Variants in NR3C2 observed in about 807,000 individuals in gnomAD.
The protein encoded by NR3C2 is mineralocorticoid receptor.
A neutral mutation model predicts 86.4 loss-of-function variants in NR3C2; 15 were observed. The observed-to-expected ratio is 0.17, with a 90% CI of 0.12 to 0.27. NR3C2 has a LOEUF of 0.27. Among genes scored for constraint, NR3C2 ranks in the 10% least tolerant of loss-of-function variants. NR3C2 has a pLI of 1.00. For synonymous variants in NR3C2, 458 were observed against 450.5 expected (o/e 1.02, Z -0.21); for missense variants, 960 against 1,195.6 (o/e 0.80, Z 2.91).
In NR3C2 at chr4:148,393,986, C is replaced by T. The variant is rs989516941; in HGVS notation, c.1757+41118G>A. Among the ~76,000 whole-genome samples, 3 of 152,140 alleles carry T rather than the reference C, an allele frequency of 2.0e-5. No homozygotes were observed. In the East Asian group the frequency reaches 5.8e-4, roughly 29 times the overall value. On this transcript the variant is annotated intron_variant, in intron 2 of 8. Transcript: ENST00000358102. Reference sequence around the variant, plus strand: ...AGGCAGAAGTGACACTGTGTGTGTCCAGAGACTGGGCCTCAAAGGGCATTG... The same window carrying T: ...AGGCAGAAGTGACACTGTGTGTGTCTAGAGACTGGGCCTCAAAGGGCATTG...
chr4:148,156,632 A>G (rs879471415), intron 4 of NR3C2, among the ~76,000 whole-genome samples: 285 of 152,240 alleles, frequency 1.9e-3, no homozygotes, highest in Non-Finnish European at 2.7e-3. Context: ...TTAGAATGGC[A>G]ATCATTAAAA....
At chr4:148,106,940 A>G (rs1236809771) in intron 8 of NR3C2, among the ~76,000 whole-genome samples, 2 of 152,254 alleles carry the variant, frequency 1.3e-5, no homozygotes, top group Non-Finnish European at 2.9e-5. Flanking sequence ...CTTGCAGGAC[A>G]TAGGCATGGG....
intron 3 of NR3C2, among the ~76,000 whole-genome samples, chr4:148,229,358 C>A (rs1478976083): frequency 6.6e-6 from 1 of 152,122 alleles, no homozygotes; most frequent in Non-Finnish European, 1.5e-5. Context: ...TTCTTTTTAC[C>A]TAATAAATCT....
intron 3 of NR3C2, among the ~76,000 whole-genome samples, chr4:148,205,859 T>C (rs1333140646): frequency 6.6e-6 from 1 of 152,118 alleles, no homozygotes; most frequent in Non-Finnish European, 1.5e-5. Flanking sequence ...AAAGTCTTCC[T>C]ACCCAGAGAA....
At chr4:148,378,902 T>A (rs1264029119) in intron 2 of NR3C2, among the ~76,000 whole-genome samples, 1 of 152,122 alleles carries the variant, frequency 6.6e-6, no homozygotes, top group African/African-American at 2.4e-5. Context: ...AGAATAAAGA[T>A]TACAAAGAAT....
At chr4:148,370,778 A>T (rs1746379102) in intron 2 of NR3C2, among the ~76,000 whole-genome samples, 1 of 152,198 alleles carries the variant, frequency 6.6e-6, no homozygotes, top group South Asian at 2.1e-4. Flanking sequence ...GGAAATTACA[A>T]ACGTAACGTT....
At chr4:148,378,883 C>T (rs1350102722) in intron 2 of NR3C2, among the ~76,000 whole-genome samples, 1 of 151,998 alleles carries the variant, frequency 6.6e-6, no homozygotes, top group Non-Finnish European at 1.5e-5. Flanking sequence ...ATACATTGCA[C>T]CATGATTTAG....
chr4:148,207,881 ATAAC>A (rs1300344948), intron 3 of NR3C2: 1 of 152,378 alleles, frequency 6.6e-6, no homozygotes, highest in East Asian at 1.9e-4. Flanking sequence ...TAGGAGATTA[ATAAC>A]TAATAATAAC....
At chr4:148,444,879 A>T (rs1750508984), upstream of NR3C2, 1 of 984,576 alleles carries the variant, frequency 1.0e-6, no homozygotes, top group Admixed American at 6.2e-5. Flanking sequence ...CGGCAGGAGG[A>T]TCCCGCGCCC....
At chr4:148,336,077 A>G (rs1369355130) in intron 2 of NR3C2, among the ~76,000 whole-genome samples, 1 of 152,112 alleles carries the variant, frequency 6.6e-6, no homozygotes, top group Non-Finnish European at 1.5e-5. Context: ...CTTGAGTGAT[A>G]GTGTCTCAGA....
chr4:148,188,327 A>G (rs1736034002), intron 4 of NR3C2, among the ~76,000 whole-genome samples: 1 of 152,130 alleles, frequency 6.6e-6, no homozygotes, highest in Admixed American at 6.5e-5. Context: ...TTTTCACAAT[A>G]TTGATTCTAC....
At chr4:148,323,386 T>C (rs1743746409) in intron 2 of NR3C2, among the ~76,000 whole-genome samples, 2 of 148,876 alleles carry the variant, frequency 1.3e-5, no homozygotes, top group South Asian at 4.4e-4. Flanking sequence ...GCAGGCCTCC[T>C]TGAGCTGTGG....
At chr4:148,332,917 TTTTAAC>T (rs1469892336) in intron 2 of NR3C2, among the ~76,000 whole-genome samples, 2 of 152,142 alleles carry the variant, frequency 1.3e-5, no homozygotes, top group East Asian at 3.8e-4. Flanking sequence ...TTTCCATGTG[TTTTAAC>T]TTTGTGTATT....
intron 2 of NR3C2, among the ~76,000 whole-genome samples, chr4:148,279,098 G>C (rs752568410): frequency 6.6e-6 from 1 of 152,172 alleles, no homozygotes; most frequent in Non-Finnish European, 1.5e-5. Context: ...AGGAGGCGGA[G>C]GTTGCAGTGA....
chr4:148,125,610 G>A (rs544816122), intron 6 of NR3C2, among the ~76,000 whole-genome samples: 6 of 152,130 alleles, frequency 3.9e-5, no homozygotes, highest in African/African-American at 1.2e-4. Context: ...CAGAATTTCT[G>A]TGTGTTTAGA....
intron 6 of NR3C2, among the ~76,000 whole-genome samples, chr4:148,124,090 T>C (rs535283146): frequency 2.6e-4 from 39 of 152,242 alleles, no homozygotes; most frequent in African/African-American, 8.7e-4. Context: ...ATAGAAAAAC[T>C]AGTTGGGCAT....
intron 3 of NR3C2, among the ~76,000 whole-genome samples, chr4:148,215,780 G>GTTT (rs35315376): frequency 0.022 from 2,987 of 134,428 alleles, 140 homozygotes; most frequent in African/African-American, 0.077. Flanking sequence ...TTGAGGCATA[G>GTTT]TTTTTTTTTT....
intron 2 of NR3C2, among the ~76,000 whole-genome samples, chr4:148,412,931 A>C (rs1041079233): frequency 2.0e-5 from 3 of 152,204 alleles, no homozygotes; most frequent in Admixed American, 6.5e-5. Context: ...GCAGAAATAC[A>C]TATCACTTGA....
At chr4:148,266,985 G>T (rs1173738010) in intron 2 of NR3C2, among the ~76,000 whole-genome samples, 1 of 152,136 alleles carries the variant, frequency 6.6e-6, no homozygotes, top group African/African-American at 2.4e-5. Context: ...ATTTCTTTTG[G>T]ACCTGATAGT....
Sources: gnomAD v4.1 joint callset for allele counts (sites outside exome capture counted in the v4.1 genomes callset) on GRCh38, gnomAD v4.1.1 for gene constraint, MANE v1.5 for transcripts, NCBI Gene and HGNC (gene_info 2026-07-23, HGNC 2026-07-21) for gene names.